The following STK3 variants were observed in gnomAD, a reference collection of about 807,000 sequenced individuals.
STK3 encodes the protein serine/threonine kinase 3, also known as serine/threonine-protein kinase 3.
A neutral mutation model predicts 58.0 loss-of-function variants in STK3; 41 were observed. The observed-to-expected ratio is 0.71, with a 90% CI of 0.55 to 0.92. The LOEUF (loss-of-function observed/expected upper bound fraction) is 0.92. Among genes scored for constraint, STK3 ranks in the 40% least tolerant of loss-of-function variants. STK3 has a pLI of 0.00. For synonymous variants in STK3, 170 were observed against 191.0 expected (o/e 0.89, Z 0.91); for missense variants, 479 against 602.7 (o/e 0.79, Z 2.15).
chr8:98,590,190 C>G (rs767721291), intron 7 of STK3, among the ~76,000 whole-genome samples: 2 of 151,978 alleles, frequency 1.3e-5, no homozygotes, highest in Non-Finnish European at 2.9e-5. Context: ...AAGAAAATAA[C>G]CAGCATTGAT....
chr8:98,409,006 G>T (rs760637111), intron 3 of STK3, among the ~76,000 whole-genome samples: 1 of 152,100 alleles, frequency 6.6e-6, no homozygotes, highest in Admixed American at 6.5e-5. Flanking sequence ...TGCTCGCCTT[G>T]TTGAAACCCC....
chr8:98,458,130 C>A (rs926056950), intron 10 of STK3, among the ~76,000 whole-genome samples: 5 of 152,044 alleles, frequency 3.3e-5, no homozygotes, highest in Non-Finnish European at 7.4e-5. Flanking sequence ...CACACACACA[C>A]ACACATGTGC....
At chr8:98,618,966 T>C in intron 6 of STK3, among the ~76,000 whole-genome samples, 1 of 148,372 alleles carries the variant, frequency 6.7e-6, no homozygotes. Context: ...AAAAACTACT[T>C]TAAAGTTCAT....
At chr8:98,481,894 A>G (rs2131282889) in intron 10 of STK3, among the ~76,000 whole-genome samples, 1 of 152,284 alleles carries the variant, frequency 6.6e-6, no homozygotes, top group East Asian at 1.9e-4. Context: ...TTTACTTGTC[A>G]CTTAGTAACC....
intron 1 of STK3, chr8:98,388,077 A>G (rs1345574231): frequency 6.6e-6 from 1 of 152,164 alleles, no homozygotes; most frequent in Admixed American, 6.5e-5. Flanking sequence ...ATATTAAAAT[A>G]CCTGAGTCTA....
At chr8:98,890,722 A>G (rs1262681776) in intron 1 of STK3, among the ~76,000 whole-genome samples, 1 of 152,248 alleles carries the variant, frequency 6.6e-6, no homozygotes, top group Non-Finnish European at 1.5e-5. Flanking sequence ...TGAAGAAGAA[A>G]AGAAAACACC....
chr8:98,357,332 C>G, the STK3 span, among the ~76,000 whole-genome samples: 5 of 152,276 alleles, frequency 3.3e-5, no homozygotes, highest in South Asian at 1.0e-3. Context: ...AAGGTGGGTT[C>G]TCACAGCAAG....
chr8:98,918,652 C>T (rs1839435773), intron 1 of STK3, among the ~76,000 whole-genome samples: 1 of 151,988 alleles, frequency 6.6e-6, no homozygotes, highest in African/African-American at 2.4e-5. Flanking sequence ...CCTGTGGTCT[C>T]AGCTACTCAG....
At chr8:98,406,045 C>T (rs1817989573) in intron 3 of STK3, among the ~76,000 whole-genome samples, 1 of 152,132 alleles carries the variant, frequency 6.6e-6, no homozygotes. Flanking sequence ...TTTTAACCAT[C>T]TGAATTTGGC....
chr8:98,596,386 T>G (rs1341330099), intron 6 of STK3: 2 of 450,086 alleles, frequency 4.4e-6, no homozygotes, highest in Non-Finnish European at 7.9e-6. Context: ...TGTAGCTCAT[T>G]GAGCACATCA....
At chr8:98,524,949 G>T (rs1181963041) in intron 10 of STK3, among the ~76,000 whole-genome samples, 1 of 152,128 alleles carries the variant, frequency 6.6e-6, no homozygotes, top group African/African-American at 2.4e-5. Context: ...TTAAATTTTG[G>T]GGTGGTAGAA....
At chr8:98,668,815 C>T (rs1270477990) in intron 6 of STK3, among the ~76,000 whole-genome samples, 1 of 152,008 alleles carries the variant, frequency 6.6e-6, no homozygotes, top group Non-Finnish European at 1.5e-5. Flanking sequence ...AAGTGTGTTA[C>T]AAATTTCCTT....
downstream of STK3, among the ~76,000 whole-genome samples, chr8:98,366,477 T>C (rs1018747595): frequency 2.6e-5 from 4 of 152,232 alleles, no homozygotes; most frequent in East Asian, 7.7e-4. Flanking sequence ...ATAAAAACAT[T>C]CTCTTGAGCA....
At chr8:98,384,068 G>A (rs1411380741) in intron 1 of STK3, among the ~76,000 whole-genome samples, 2 of 152,198 alleles carry the variant, frequency 1.3e-5, no homozygotes, top group Non-Finnish European at 2.9e-5. Flanking sequence ...AAGGGTTAAG[G>A]CATAAGCAAA....
chr8:98,926,199 T>C (rs1458285184), intron 1 of STK3, among the ~76,000 whole-genome samples: 2 of 151,982 alleles, frequency 1.3e-5, no homozygotes, highest in East Asian at 3.9e-4. Context: ...CTGATAAGGG[T>C]TGGGGGGAGA....
At chr8:98,901,224 TAA>T (rs1316417251) in intron 1 of STK3, among the ~76,000 whole-genome samples, 1 of 152,174 alleles carries the variant, frequency 6.6e-6, no homozygotes, top group Non-Finnish European at 1.5e-5. Context: ...TACTTACTTG[TAA>T]AATAGGGATA....
chr8:98,516,696 C>T (rs1489564360), intron 10 of STK3, among the ~76,000 whole-genome samples: 1 of 151,992 alleles, frequency 6.6e-6, no homozygotes, highest in Non-Finnish European at 1.5e-5. Context: ...TGTACTATCA[C>T]TGAAGTTCTA....
At chr8:98,554,085 T>C (rs922389949) in intron 8 of STK3, among the ~76,000 whole-genome samples, 5 of 152,134 alleles carry the variant, frequency 3.3e-5, no homozygotes, top group African/African-American at 1.2e-4. Flanking sequence ...GAAGCAAGAA[T>C]TCTAGGCAGG....
intron 8 of STK3, among the ~76,000 whole-genome samples, chr8:98,577,223 A>G (rs1813481431): frequency 1.3e-5 from 2 of 152,184 alleles, no homozygotes. Flanking sequence ...GCAGTGGCTC[A>G]TGCCTGTAAT....
Sources: allele counts gnomAD v4.1 joint callset (sites outside exome capture counted in the v4.1 genomes callset), GRCh38; gene constraint gnomAD v4.1.1; transcripts MANE v1.5; gene names NCBI Gene and HGNC (gene_info 2026-07-23, HGNC 2026-07-21).